Variants in PUM1 observed in about 807,000 individuals in gnomAD.
PUM1 encodes pumilio RNA binding family member 1, also known as pumilio homolog 1.
A neutral mutation model predicts 131.8 loss-of-function variants in PUM1; 13 were observed. The ratio of observed to expected loss-of-function variants is 0.10; its 90% CI spans 0.06 to 0.16. The LOEUF is 0.16. Among genes scored for constraint, PUM1 ranks in the 10% least tolerant of loss-of-function variants. The pLI is 1.00. For synonymous variants in PUM1, 509 were observed against 556.5 expected, an observed-to-expected ratio of 0.91 and a Z score of 1.20; for missense variants, 961 against 1,512.4, an observed-to-expected ratio of 0.64 and a Z score of 6.05.
At chr1:31,051,426 C>T (rs1430926940) in intron 2 of PUM1, among the ~76,000 whole-genome samples, 1 of 152,122 alleles carries the variant, frequency 6.6e-6, no homozygotes, top group Admixed American at 6.6e-5. Context: ...GCCTCAGCCA[C>T]CCAAGTAGCT....
chr1:31,030,627 C>T (rs1330114454), intron 2 of PUM1, among the ~76,000 whole-genome samples: 1 of 152,048 alleles, frequency 6.6e-6, no homozygotes, highest in Non-Finnish European at 1.5e-5. Flanking sequence ...GGGAAGATAG[C>T]CTGCACCCGG....
intron 1 of PUM1, among the ~76,000 whole-genome samples, chr1:31,065,241 AG>A (rs1468721690): frequency 6.6e-6 from 1 of 152,188 alleles, no homozygotes; most frequent in African/African-American, 2.4e-5. Flanking sequence ...ATGGCCACAC[AG>A]AAGACTCGGG....
intron 2 of PUM1, among the ~76,000 whole-genome samples, chr1:31,052,264 G>A (rs554998208): frequency 2.0e-5 from 3 of 152,064 alleles, no homozygotes; most frequent in Non-Finnish European, 2.9e-5. Flanking sequence ...CGCCTGCCTC[G>A]GCCTCCCAAA....
intron 3 of PUM1, among the ~76,000 whole-genome samples, chr1:31,023,055 T>TCC (rs929685822): frequency 6.6e-6 from 1 of 151,776 alleles, no homozygotes; most frequent in African/African-American, 2.4e-5. Flanking sequence ...ACACCTGTAG[T>TCC]CCCAGCTACT....
At chr1:30,962,873 G>GA (rs200496196) in intron 14 of PUM1, among the ~76,000 whole-genome samples, 6 of 151,216 alleles carry the variant, frequency 4.0e-5, no homozygotes, top group East Asian at 1.9e-4. Flanking sequence ...GGCTCTTTAT[G>GA]AAAAAAAAAC....
At chr1:30,981,459 T>C (rs1641354259) in intron 7 of PUM1, 54 bp from the exon 8 acceptor site, 4 of 1,175,734 alleles carry the variant, frequency 3.4e-6, no homozygotes, top group Admixed American at 2.3e-5. Context: ...TACAAAATCA[T>C]TTAAAAACCT....
chr1:30,946,542 CAGG>C (rs1237970867), intron 17 of PUM1, among the ~76,000 whole-genome samples: 1 of 149,270 alleles, frequency 6.7e-6, no homozygotes, highest in Non-Finnish European at 1.5e-5. Flanking sequence ...GAGGCTGAGG[CAGG>C]AGAATTTCTT....
intron 14 of PUM1, among the ~76,000 whole-genome samples, chr1:30,958,573 G>T (rs1163921943): frequency 6.6e-6 from 1 of 152,262 alleles, no homozygotes; most frequent in East Asian, 1.9e-4. Flanking sequence ...GAGAAAGGGC[G>T]GGGGAGTAGG....
rs751072388 is a variant in PUM1 at position 30,964,847 on chromosome 1, T to C, written c.2150A>G (p.Tyr717Cys). Residue 717 changes from tyrosine to cysteine, a missense_variant, in exon 14 of 22, where the codon TAT (tyrosine) becomes TGT (cysteine). By Grantham distance (194) the Tyr-to-Cys change is radical. Transcript: ENST00000426105. ...RDSLTGSSDL[Y>C]KRTSSSLTPI... is the part of the protein sequence containing the mutation. ...GGTCAAGCTGCTCGATGTCCTCTTA[T>C]AAAGGTCACTGCTGCCAGTCAGGGA... The C allele has an allele frequency of 1.4e-5, 22 of 1,613,966 alleles. No homozygotes were observed. The East Asian group carries it at 2.7e-4, about 20-fold the overall frequency.
Position 31,038,984 on chromosome 1 carries a change from A to ATATATTTTTTTTTTTTTTTTT in PUM1, c.364-10121_364-10120insAAAAAAAAAAAAAAAAATATA. ...TATATATATATATATATATATATAT[A>ATATATTTTTTTTTTTTTTTTT]TTTTTTTTTTTTTTTTCCTTTTCTC... On this transcript the variant is annotated intron_variant, in intron 2 of 21. Coordinates refer to ENST00000426105, the MANE Select transcript of PUM1 (RefSeq NM_001020658.2). 2.2e-4 allele frequency among the ~76,000 whole-genome samples: 11 copies of ATATATTTTTTTTTTTTTTTTT among 49,416 alleles called. 1 individual carries two copies. The East Asian group carries it at 4.0e-3, about 18-fold the overall frequency. The allele number at this position is 49,416 out of a possible 152,430, so 32.4% of individuals were successfully genotyped here.
intron 3 of PUM1, among the ~76,000 whole-genome samples, chr1:31,011,207 T>C (rs1332118272): frequency 8.8e-6 from 1 of 113,810 alleles, no homozygotes; most frequent in South Asian, 2.8e-4. Context: ...ACACACACTG[T>C]GCTGTTTTAA....
chr1:30,995,031 T>C (rs548340943), intron 6 of PUM1, 23 bp downstream of exon 6: 2 of 1,596,440 alleles, frequency 1.3e-6, no homozygotes, highest in East Asian at 2.2e-5. Context: ...TATTCAAAAA[T>C]CAGAAGTGTA....
At position 31,062,535 on chromosome 1, in the gene PUM1, G is replaced by A. The variant is rs372447402; in HGVS notation, c.-11-2958C>T. On this transcript the variant is annotated intron_variant, in intron 1 of 21. Transcript: ENST00000426105. ...CTCGGGAGACTGAGGCAGAAGAATC[G>A]CTTGAACCCAGGAGGCGGAGGTTGC... Among the ~76,000 whole-genome samples, 78 of 151,128 alleles carry A rather than the reference G, an allele frequency of 5.2e-4. No homozygotes were observed. In the South Asian group the frequency reaches 0.016, roughly 30 times the overall value.
chr1:30,954,937 T>TA (rs1640087824), intron 14 of PUM1, among the ~76,000 whole-genome samples: 2 of 151,854 alleles, frequency 1.3e-5, no homozygotes, highest in African/African-American at 4.8e-5. Context: ...GGTGTGGTGA[T>TA]ACACACCTGT....
chr1:31,032,319 A>C (rs535523757), intron 2 of PUM1, among the ~76,000 whole-genome samples: 1 of 152,236 alleles, frequency 6.6e-6, no homozygotes, highest in Non-Finnish European at 1.5e-5. Flanking sequence ...TCAAAAAATG[A>C]AGGCACTGTA....
intron 5 of PUM1, among the ~76,000 whole-genome samples, chr1:31,004,151 A>T (rs995493825): frequency 6.6e-6 from 1 of 152,260 alleles, no homozygotes; most frequent in Admixed American, 6.5e-5. Context: ...CAAATGATAC[A>T]GCTTTTGTCA....
chr1:30,937,283 G>A (rs1639250531), intron 20 of PUM1, among the ~76,000 whole-genome samples: 1 of 152,172 alleles, frequency 6.6e-6, no homozygotes, highest in African/African-American at 2.4e-5. Flanking sequence ...ACCAAAATCT[G>A]TCCATTCTTT....
intron 1 of PUM1, 69 bp downstream of exon 1, chr1:31,065,547 T>C: frequency 6.8e-7 from 1 of 1,477,384 alleles, no homozygotes; most frequent in East Asian, 2.8e-5. Context: ...CAAACACCAA[T>C]ATGAAGGGAC....
intron 9 of PUM1, among the ~76,000 whole-genome samples, chr1:30,979,407 A>G (rs928498037): frequency 6.6e-6 from 1 of 152,198 alleles, no homozygotes; most frequent in Non-Finnish European, 1.5e-5. Context: ...ACCTGTATGT[A>G]TGAGGCATGG....
Sources: allele counts gnomAD v4.1 joint callset (sites outside exome capture counted in the v4.1 genomes callset), GRCh38; gene constraint gnomAD v4.1.1; transcripts MANE v1.5; gene names NCBI Gene and HGNC (gene_info 2026-07-23, HGNC 2026-07-21).